Variants in ST18 observed in about 807,000 individuals in gnomAD.
The protein encoded by ST18 is suppression of tumorigenicity 18 protein.
A neutral mutation model predicts 110.0 loss-of-function variants in ST18; 50 were observed. The observed-to-expected ratio is 0.45, with a 90% CI of 0.36 to 0.58. The LOEUF (loss-of-function observed/expected upper bound fraction) is 0.58, where lower values mean the gene tolerates loss of function less well. Among genes scored for constraint, ST18 ranks in the 20% least tolerant of loss-of-function variants. The probability of loss-of-function intolerance (pLI) is 0.00; values close to 1 mark genes in which losing one functional copy is unlikely to be tolerated. For missense variants in ST18, 1,306 were observed against 1,280.1 expected, an observed-to-expected ratio of 1.02 and a Z score of -0.31; for synonymous variants, 461 against 452.4, an observed-to-expected ratio of 1.02 and a Z score of -0.24.
At chr8:52,403,915 T>C (rs1400981421) in intron 2 of ST18, 1 of 152,220 alleles carries the variant, frequency 6.6e-6, no homozygotes, top group East Asian at 1.9e-4. Flanking sequence ...TACCAGGCTT[T>C]TCCCTCCTAG....
intron 2 of ST18, among the ~76,000 whole-genome samples, chr8:52,312,402 C>A (rs1401365249): frequency 6.6e-6 from 1 of 152,196 alleles, no homozygotes; most frequent in Non-Finnish European, 1.5e-5. Context: ...TGACCCCCCT[C>A]TACTACCTCA....
At chr8:52,337,013 T>A (rs887410522) in intron 2 of ST18, among the ~76,000 whole-genome samples, 3 of 152,230 alleles carry the variant, frequency 2.0e-5, no homozygotes, top group African/African-American at 7.2e-5. Flanking sequence ...CAAAAAGTAA[T>A]GCAACCAGTT....
At chr8:52,122,112 G>A (rs999792441) in intron 23 of ST18, among the ~76,000 whole-genome samples, 1 of 152,188 alleles carries the variant, frequency 6.6e-6, no homozygotes, top group South Asian at 2.1e-4. Context: ...CAAAGTGCTG[G>A]GATTATAAGC....
intron 8 of ST18, among the ~76,000 whole-genome samples, chr8:52,188,170 A>G (rs1439739336): frequency 2.6e-5 from 4 of 152,244 alleles, no homozygotes; most frequent in Non-Finnish European, 4.4e-5. Context: ...CCTTAAATTG[A>G]GTAAAATACA....
chr8:52,290,850 C>T (rs533608972), intron 2 of ST18, among the ~76,000 whole-genome samples: 1 of 152,312 alleles, frequency 6.6e-6, no homozygotes, highest in East Asian at 1.9e-4. Flanking sequence ...TCATTACCAC[C>T]TTGTTTGTGC....
intron 2 of ST18, among the ~76,000 whole-genome samples, chr8:52,338,097 T>C (rs10441551): frequency 0.024 from 3,602 of 152,306 alleles, 132 homozygotes; most frequent in African/African-American, 0.08. Flanking sequence ...TCACTTTTGT[T>C]GCCCAGGCTG....
chr8:52,282,450 C>A (rs953200800), intron 2 of ST18, among the ~76,000 whole-genome samples: 1 of 152,162 alleles, frequency 6.6e-6, no homozygotes. Flanking sequence ...TGGCTGACTA[C>A]TGTGGGCAAC....
rs143978252 is a variant in ST18 at position 52,384,421 on chromosome 8, G to A, written c.-465+24907C>T. On this transcript the variant is annotated intron_variant, in intron 2 of 25. Coordinates refer to ENST00000689386, the MANE Select transcript of ST18 (RefSeq NM_001352837.2). Reference sequence around the variant, plus strand: ...CCCTCCTACTAAGTCCTCCCACTTCGTTCTTTCCTCCTTCCCCACTTCACT... The same window carrying A: ...CCCTCCTACTAAGTCCTCCCACTTCATTCTTTCCTCCTTCCCCACTTCACT... 8.0e-3 allele frequency among the ~76,000 whole-genome samples: 1,211 copies of A among 151,884 alleles called. 11 individuals are homozygous for A. The highest frequency in any genetic ancestry group is 0.037 in the Middle Eastern group (11 of 294).
intron 22 of ST18, among the ~76,000 whole-genome samples, chr8:52,130,062 A>AAG (rs753697046): frequency 0.028 from 3,978 of 141,404 alleles, 176 homozygotes; most frequent in African/African-American, 0.077. Flanking sequence ...GAAAGAAAGA[A>AAG]AGAGAGAGAG....
intron 2 of ST18, among the ~76,000 whole-genome samples, chr8:52,389,580 G>A (rs1397000129): frequency 6.6e-6 from 1 of 152,168 alleles, no homozygotes; most frequent in Non-Finnish European, 1.5e-5. Flanking sequence ...GCAGCGGGGA[G>A]GAACCTGCCT....
intron 9 of ST18, among the ~76,000 whole-genome samples, chr8:52,179,125 G>C (rs557136215): frequency 3.9e-5 from 6 of 152,086 alleles, no homozygotes; most frequent in African/African-American, 1.4e-4. Context: ...ATGTTTAGTA[G>C]AATATACATC....
intron 2 of ST18, among the ~76,000 whole-genome samples, chr8:52,232,622 G>A (rs1283525752): frequency 6.6e-6 from 1 of 151,964 alleles, no homozygotes; most frequent in Non-Finnish European, 1.5e-5. Context: ...AAAACTTCTT[G>A]GAGGATGGAA....
chr8:52,390,496 A>G (rs1838936670), intron 2 of ST18, among the ~76,000 whole-genome samples: 1 of 152,230 alleles, frequency 6.6e-6, no homozygotes, highest in Non-Finnish European at 1.5e-5. Flanking sequence ...ATATTTTCTT[A>G]AAATAATAGT....
rs183780320 is a variant in ST18 at position 52,131,851 on chromosome 8, G to A, written c.2666+107C>T. Reference sequence around the variant, plus strand: ...GACTTCATGTTATGACATCTCAACTGCTACAGTGAACAACCTTTAGGGGGT... The same window carrying A: ...GACTTCATGTTATGACATCTCAACTACTACAGTGAACAACCTTTAGGGGGT... On this transcript the variant is annotated intron_variant, in intron 22 of 25. Transcript: ENST00000689386. The A allele has an allele frequency of 2.7e-4, 258 of 941,824 alleles. 1 individual carries two copies. In the Middle Eastern group the frequency reaches 6.4e-3, roughly 23 times the overall value. 58.3% of individuals were successfully genotyped at this position (941,824 alleles called of 1,614,324 possible).
intron 2 of ST18, among the ~76,000 whole-genome samples, chr8:52,331,336 T>G (rs1465602602): frequency 5.3e-5 from 8 of 151,204 alleles, no homozygotes; most frequent in Non-Finnish European, 1.0e-4. Flanking sequence ...TTATATAATA[T>G]ATACATATAT....
intron 2 of ST18, among the ~76,000 whole-genome samples, chr8:52,338,411 T>C (rs1195637161): frequency 6.6e-6 from 1 of 152,170 alleles, no homozygotes. Context: ...AAAATTAAAA[T>C]CTATAATTTT....
At chr8:52,266,347 A>G (rs1233717607) in intron 2 of ST18, among the ~76,000 whole-genome samples, 3 of 152,064 alleles carry the variant, frequency 2.0e-5, no homozygotes, top group African/African-American at 4.8e-5. Context: ...GCTTCTTTAA[A>G]CTGGAGATGT....
At position 52,193,452 on chromosome 8, in the gene ST18, C is replaced by T. The variant is rs144354555; in HGVS notation, c.87-13140G>A. ...ATTCACACTTGCCTCAAGGCAGGAC[C>T]GACTCTGAAGAGGAATCTATCACCA... On this transcript the variant is annotated intron_variant, in intron 8 of 25. Coordinates refer to ENST00000689386, the MANE Select transcript of ST18 (RefSeq NM_001352837.2). Among the ~76,000 whole-genome samples the T allele has an allele frequency of 1.1e-4, 16 of 152,310 alleles. No homozygotes were observed. In the South Asian group the frequency reaches 1.5e-3, roughly 14 times the overall value.
intron 23 of ST18, among the ~76,000 whole-genome samples, chr8:52,121,357 T>C (rs2044733380): frequency 6.6e-6 from 1 of 152,190 alleles, no homozygotes; most frequent in Non-Finnish European, 1.5e-5. Flanking sequence ...AAGGAACTAA[T>C]GTTTTTATTA....
Sources: allele counts gnomAD v4.1 joint callset (sites outside exome capture counted in the v4.1 genomes callset), GRCh38; gene constraint gnomAD v4.1.1; transcripts MANE v1.5; gene names NCBI Gene and HGNC (gene_info 2026-07-23, HGNC 2026-07-21).